SGCZ: variants seen among roughly 807,000 people sequenced by gnomAD.
The protein encoded by SGCZ is sarcoglycan zeta.
A neutral mutation model predicts 41.3 loss-of-function variants in SGCZ; 40 were observed. The ratio of observed to expected loss-of-function variants is 0.97; its 90% confidence interval spans 0.75 to 1.26. The LOEUF is 1.26. SGCZ is among the 50% of genes most tolerant of loss of function. SGCZ has a pLI of 0.00. For missense variants in SGCZ, 552 were observed against 369.8 expected (o/e 1.49, Z -4.04); for synonymous variants, 206 against 137.5 (o/e 1.50, Z -3.49).
intron 1 of SGCZ, among the ~76,000 whole-genome samples, chr8:14,742,935 T>A (rs7001226): frequency 0.079 from 12,093 of 152,154 alleles, 873 homozygotes; most frequent in African/African-American, 0.19. Context: ...ACCTTGAGAC[T>A]CAGTATGATT....
At position 14,086,770 on chromosome 8, in the gene SGCZ, C is replaced by A. The variant is rs1159927717; in HGVS notation, c.*3673G>T. 1.3e-5 allele frequency among the ~76,000 whole-genome samples: 2 copies of A among 151,440 alleles called. No homozygotes were observed. Among genetic ancestry groups the A allele is most frequent in the Non-Finnish European group, 3.0e-5 (2 of 67,682 alleles). On this transcript the variant is annotated 3_prime_UTR_variant, in exon 8 of 8. Transcript: ENST00000382080. ...AAAAAAGAGCATAGGAAGTAGCGTG[C>A]CAAAAAGGTTTGTATTTCAACTTTT...
At chr8:14,322,267 C>T (rs1375889862) in intron 3 of SGCZ, among the ~76,000 whole-genome samples, 1 of 152,006 alleles carries the variant, frequency 6.6e-6, no homozygotes, top group Admixed American at 6.6e-5. Flanking sequence ...GGGAGACAAA[C>T]AATAATGAAG....
At chr8:14,123,415 G>C (rs896458459) in intron 5 of SGCZ, among the ~76,000 whole-genome samples, 1 of 152,064 alleles carries the variant, frequency 6.6e-6, no homozygotes, top group East Asian at 1.9e-4. Flanking sequence ...GGGTAAATGG[G>C]AAAATGATCC....
intron 1 of SGCZ, among the ~76,000 whole-genome samples, chr8:14,725,758 A>C (rs1386252429): frequency 6.6e-6 from 1 of 152,168 alleles, no homozygotes; most frequent in African/African-American, 2.4e-5. Context: ...AAGCATGAAC[A>C]ACTCACAGAA....
intron 1 of SGCZ, among the ~76,000 whole-genome samples, chr8:14,722,807 C>T (rs1157185426): frequency 1.3e-5 from 2 of 152,034 alleles, no homozygotes. Context: ...TATATGCATA[C>T]ATGTGCATGT....
chr8:15,210,626 C>T (rs1329703958), intron 1 of SGCZ, among the ~76,000 whole-genome samples: 2 of 152,180 alleles, frequency 1.3e-5, no homozygotes, highest in Non-Finnish European at 2.9e-5. Flanking sequence ...TTTCCATCTT[C>T]CTGAATGACT....
At chr8:14,684,132 T>A (rs147966011) in intron 1 of SGCZ, among the ~76,000 whole-genome samples, 129 of 152,318 alleles carry the variant, frequency 8.5e-4, no homozygotes, top group Middle Eastern at 3.4e-3. Context: ...ATTAAATTGT[T>A]TCAGAGCTTT....
intron 4 of SGCZ, among the ~76,000 whole-genome samples, chr8:14,206,159 A>T (rs1805608818): frequency 6.6e-6 from 1 of 152,150 alleles, no homozygotes; most frequent in Non-Finnish European, 1.5e-5. Context: ...CAAGTTATTA[A>T]TATTAGAAAA....
intron 1 of SGCZ, among the ~76,000 whole-genome samples, chr8:14,667,056 T>A (rs111421269): frequency 1.5e-3 from 225 of 151,442 alleles, no homozygotes; most frequent in African/African-American, 5.1e-3. Flanking sequence ...GAGAGAGACA[T>A]ATATATATGT....
chr8:14,599,703 G>T (rs1027017706), intron 1 of SGCZ, among the ~76,000 whole-genome samples: 2 of 152,026 alleles, frequency 1.3e-5, no homozygotes, highest in African/African-American at 2.4e-5. Context: ...AAATGAACAC[G>T]TGTCCCTCTC....
chr8:14,652,346 A>AAGGGG (rs201135943), intron 1 of SGCZ, among the ~76,000 whole-genome samples: 6 of 50,730 alleles, frequency 1.2e-4, no homozygotes, highest in African/African-American at 2.4e-4. Context: ...AAAAAAAAAA[A>AAGGGG]GGGGGGGGTG....
At position 15,005,043 on chromosome 8, in the gene SGCZ, T is replaced by C. The variant is rs954820563; in HGVS notation, c.39+232542A>G. On this transcript the variant is annotated intron_variant, in intron 1 of 7. Transcript: ENST00000382080. ...TGAAAACTGATGTTCTATACTCTGC[T>C]CTTCTTTCTAGATCACTTCACACGG... is the stretch of plus-strand genomic sequence containing the variant. Among the ~76,000 whole-genome samples, 11 of 152,192 alleles carry C rather than the reference T, an allele frequency of 7.2e-5. 1 individual carries two copies. Among genetic ancestry groups the C allele is most frequent in the Admixed American group, 5.9e-4 (9 of 15,284 alleles).
chr8:15,218,678 A>G (rs1016708015), intron 1 of SGCZ, among the ~76,000 whole-genome samples: 2 of 152,146 alleles, frequency 1.3e-5, no homozygotes, highest in African/African-American at 4.8e-5. Context: ...TTTACAGCCC[A>G]ATCATGTTTC....
intron 2 of SGCZ, among the ~76,000 whole-genome samples, chr8:14,407,071 T>A (rs936200955): frequency 1.8e-5 from 2 of 108,608 alleles, no homozygotes; most frequent in Non-Finnish European, 3.3e-5. Context: ...TTTCCTTTTT[T>A]TTTTTTTTTT....
intron 1 of SGCZ, among the ~76,000 whole-genome samples, chr8:14,661,263 T>C (rs1242138337): frequency 6.6e-6 from 1 of 152,122 alleles, no homozygotes; most frequent in Admixed American, 6.6e-5. Flanking sequence ...TAAAATAGAA[T>C]ATTAAGCGAT....
chr8:14,237,354 A>C (rs565581141), intron 4 of SGCZ, among the ~76,000 whole-genome samples: 60 of 152,180 alleles, frequency 3.9e-4, no homozygotes, highest in African/African-American at 1.3e-3. Context: ...GGGAAATAAC[A>C]TACTTCCACT....
At chr8:14,338,188 T>C (rs1802566124) in intron 2 of SGCZ, among the ~76,000 whole-genome samples, 1 of 152,116 alleles carries the variant, frequency 6.6e-6, no homozygotes, top group South Asian at 2.1e-4. Flanking sequence ...AATGGAAAAG[T>C]GCAGTCGTCT....
intron 1 of SGCZ, among the ~76,000 whole-genome samples, chr8:14,565,687 A>G (rs2117217365): frequency 6.6e-6 from 1 of 152,256 alleles, no homozygotes; most frequent in Non-Finnish European, 1.5e-5. Flanking sequence ...GTAAGGATTA[A>G]CAAGAAAACA....
chr8:14,447,601 A>T (rs1178372893), intron 2 of SGCZ, among the ~76,000 whole-genome samples: 1 of 152,192 alleles, frequency 6.6e-6, no homozygotes, highest in East Asian at 1.9e-4. Flanking sequence ...GCTGTGCTTT[A>T]AACTCCCCAT....
Sources: allele counts gnomAD v4.1 joint callset (sites outside exome capture counted in the v4.1 genomes callset), GRCh38; gene constraint gnomAD v4.1.1; transcripts MANE v1.5; gene names NCBI Gene and HGNC (gene_info 2026-07-23, HGNC 2026-07-21).